DGKB: variants seen among roughly 807,000 people sequenced by gnomAD.
DGKB encodes the protein 90 kDa diacylglycerol kinase.
DGKB carries 67 observed loss-of-function variants against 114.3 expected under a neutral mutation model. That is an observed-to-expected ratio of 0.59 (90% CI 0.48 to 0.72). The LOEUF (loss-of-function observed/expected upper bound fraction) is 0.72, where lower values mean the gene tolerates loss of function less well. DGKB is among the 30% of genes least tolerant of loss of function. The probability of loss-of-function intolerance (pLI) is 0.00; values close to 1 mark genes in which losing one functional copy is unlikely to be tolerated. For missense variants in DGKB, 907 were observed against 975.2 expected (o/e 0.93, Z 0.93); for synonymous variants, 398 against 323.1 (o/e 1.23, Z -2.49).
chr7:14,593,785 C>T (rs761031133), intron 17 of DGKB, among the ~76,000 whole-genome samples: 63 of 150,490 alleles, frequency 4.2e-4, no homozygotes, highest in Non-Finnish European at 8.4e-4. Flanking sequence ...GTGCTAAGTG[C>T]CATGTAATCA....
At chr7:14,439,020 C>T (rs2128808151) in intron 21 of DGKB, among the ~76,000 whole-genome samples, 1 of 150,528 alleles carries the variant, frequency 6.6e-6, no homozygotes, top group Middle Eastern at 3.5e-3. Flanking sequence ...AAGTTTTTTC[C>T]AAGTTTCTTG....
In DGKB at chr7:14,718,546, A is replaced by G; in HGVS notation, c.462T>C (p.Leu154=). The change falls in exon 6 of 26, where the codon CTT becomes CTC. Residue 154 remains leucine (L), a synonymous_variant. Coordinates refer to ENST00000402815, the MANE Select transcript of DGKB (RefSeq NM_001350709.2). ...LLERGRPEDK[L]EFMFRLYDTD... ...ACAAAATGAAGAAACACATACACTC[A>G]AGCTTATCCTCAGGTCTTCCTCTTT... The G allele has an allele frequency of 6.2e-7, 1 of 1,609,920 alleles. No homozygotes were observed. Among genetic ancestry groups the G allele is most frequent in the Non-Finnish European group, 8.5e-7 (1 of 1,178,518 alleles).
At chr7:14,385,628 T>C (rs1373621739) in intron 21 of DGKB, among the ~76,000 whole-genome samples, 1 of 152,208 alleles carries the variant, frequency 6.6e-6, no homozygotes, top group Non-Finnish European at 1.5e-5. Flanking sequence ...ATAAATCCCA[T>C]TGGCAGTCGC....
At chr7:14,959,018 A>C (rs1786683872) in intron 1 of DGKB, among the ~76,000 whole-genome samples, 1 of 152,072 alleles carries the variant, frequency 6.6e-6, no homozygotes, top group Admixed American at 6.6e-5. Context: ...TTGAAGAATC[A>C]TGACTGATAT....
At chr7:14,358,750 G>A (rs943636449) in intron 21 of DGKB, among the ~76,000 whole-genome samples, 1 of 152,068 alleles carries the variant, frequency 6.6e-6, no homozygotes, top group Admixed American at 6.6e-5. Context: ...TACAAGGGAT[G>A]GGAAGGACCT....
At chr7:14,252,694 C>G (rs73069648) in intron 23 of DGKB, among the ~76,000 whole-genome samples, 6,798 of 152,162 alleles carry the variant, frequency 0.045, 224 homozygotes, top group East Asian at 0.16. Context: ...AGGTATGCCT[C>G]TGGAATGGGC....
chr7:14,551,432 CT>C (rs1366882793), intron 20 of DGKB, among the ~76,000 whole-genome samples: 2 of 152,164 alleles, frequency 1.3e-5, no homozygotes, highest in African/African-American at 4.8e-5. Flanking sequence ...TTCCAGAAGC[CT>C]TTACAATTCT....
At chr7:14,322,187 G>T (rs778202474) in intron 23 of DGKB, among the ~76,000 whole-genome samples, 5 of 152,224 alleles carry the variant, frequency 3.3e-5, no homozygotes, top group Non-Finnish European at 7.4e-5. Context: ...ATTTATTTAG[G>T]TATTGTTTTT....
intron 1 of DGKB, among the ~76,000 whole-genome samples, chr7:14,881,006 A>G (rs951964237): frequency 6.6e-6 from 1 of 152,194 alleles, no homozygotes; most frequent in East Asian, 1.9e-4. Context: ...TGAGGCTGTT[A>G]GGCCAAAGAT....
chr7:14,898,429 C>A (rs1782461940), intron 1 of DGKB, among the ~76,000 whole-genome samples: 2 of 152,032 alleles, frequency 1.3e-5, no homozygotes, highest in African/African-American at 4.8e-5. Flanking sequence ...AGTCACTTAA[C>A]CCTGTTGTCC....
At chr7:14,841,520 T>C (rs1477181352) in intron 1 of DGKB, 70 bp from the exon 2 acceptor site, 10 of 351,490 alleles carry the variant, frequency 2.8e-5, no homozygotes, top group Non-Finnish European at 4.1e-5. Flanking sequence ...AATGTCAAGG[T>C]GTTGAATGTT....
chr7:14,169,364 CAAAAAAAAA>C (rs35418998), intron 25 of DGKB, among the ~76,000 whole-genome samples: 1 of 65,292 alleles, frequency 1.5e-5, no homozygotes, highest in Non-Finnish European at 3.2e-5. Flanking sequence ...GACTCCGTCT[CAAAAAAAAA>C]AAAAAAAAAA....
At chr7:14,957,841 TAG>T (rs1212117117) in intron 1 of DGKB, among the ~76,000 whole-genome samples, 6 of 152,126 alleles carry the variant, frequency 3.9e-5, no homozygotes, top group Admixed American at 3.9e-4. Context: ...GATTCATTTA[TAG>T]AGTCTTAAAT....
chr7:14,941,039 G>C (rs1322800947), intron 1 of DGKB, among the ~76,000 whole-genome samples: 3 of 152,012 alleles, frequency 2.0e-5, no homozygotes, highest in Non-Finnish European at 2.9e-5. Context: ...CATACTTCTT[G>C]TTATGGTAAG....
At chr7:14,647,773 G>C (rs1369558407) in intron 13 of DGKB, among the ~76,000 whole-genome samples, 1 of 152,192 alleles carries the variant, frequency 6.6e-6, no homozygotes, top group East Asian at 1.9e-4. Flanking sequence ...GTGGGCGCAG[G>C]TCAGTGGTCG....
chr7:14,277,763 T>C lies in DGKB; in HGVS notation c.2122+60752A>G, dbSNP rs77789791. On this transcript the variant is annotated intron_variant, in intron 23 of 25. Coordinates refer to ENST00000402815, the MANE Select transcript of DGKB (RefSeq NM_001350709.2). ...CCTTTTGACATATTGATTTCAGTTT[T>C]CAATTTCTTTGGATATATACCCGAG... Among the ~76,000 whole-genome samples the C allele has an allele frequency of 1.8e-3, 272 of 152,352 alleles. 3 individuals carry two copies. The highest frequency in any genetic ancestry group is 6.1e-3 in the African/African-American group (252 of 41,588).
chr7:14,652,937 A>G (rs1814909750), intron 13 of DGKB, among the ~76,000 whole-genome samples: 1 of 151,802 alleles, frequency 6.6e-6, no homozygotes, highest in African/African-American at 2.4e-5. Flanking sequence ...GAGAAATGCA[A>G]ATCAAAACCA....
At chr7:14,941,667 G>A (rs1422481410) in intron 1 of DGKB, among the ~76,000 whole-genome samples, 3 of 151,874 alleles carry the variant, frequency 2.0e-5, no homozygotes, top group East Asian at 1.9e-4. Context: ...AAAACCAATC[G>A]ATCTACTCAT....
chr7:14,450,682 G>A (rs1289296651), intron 21 of DGKB, among the ~76,000 whole-genome samples: 1 of 152,088 alleles, frequency 6.6e-6, no homozygotes, highest in Non-Finnish European at 1.5e-5. Context: ...TGAGAAGAAT[G>A]ATGCCCATTT....
Sources: gnomAD v4.1 joint callset for allele counts (sites outside exome capture counted in the v4.1 genomes callset) on GRCh38, gnomAD v4.1.1 for gene constraint, MANE v1.5 for transcripts, NCBI Gene and HGNC (gene_info 2026-07-23, HGNC 2026-07-21) for gene names.